Variants in SMAP1 observed in about 807,000 individuals in gnomAD.
SMAP1 encodes small ArfGAP 1, also known as stromal membrane-associated protein 1.
Under a neutral mutation model 58.5 loss-of-function variants are expected in SMAP1, and 24 were observed. The ratio of observed to expected loss-of-function variants is 0.41; its 90% CI spans 0.30 to 0.58. The LOEUF (loss-of-function observed/expected upper bound fraction) is 0.58, where lower values mean the gene tolerates loss of function less well. Among genes scored for constraint, SMAP1 ranks in the 20% least tolerant of loss-of-function variants. The pLI is 0.29. For missense variants in SMAP1, 563 were observed against 566.3 expected (o/e 0.99, Z 0.06); for synonymous variants, 216 against 196.6 (o/e 1.10, Z -0.82).
At chr6:70,798,579 C>G in intron 5 of SMAP1, 78 bp from the exon 6 acceptor site, 1 of 1,086,586 alleles carries the variant, frequency 9.2e-7, no homozygotes, top group South Asian at 1.7e-5. Context: ...CAGATGATTA[C>G]TCAAACTAAT....
intron 6 of SMAP1, among the ~76,000 whole-genome samples, chr6:70,805,172 C>A (rs1769064579): frequency 6.6e-6 from 1 of 152,124 alleles, no homozygotes; most frequent in Admixed American, 6.6e-5. Flanking sequence ...CATATAGTTT[C>A]ATATTTCTTG....
At chr6:70,783,479 A>C (rs1263733542) in intron 4 of SMAP1, among the ~76,000 whole-genome samples, 1 of 152,224 alleles carries the variant, frequency 6.6e-6, no homozygotes, top group Non-Finnish European at 1.5e-5. Flanking sequence ...TGAGAGAAGA[A>C]GGCTTCAGAC....
chr6:70,722,329 C>T (rs1768565623), intron 1 of SMAP1, among the ~76,000 whole-genome samples: 1 of 152,220 alleles, frequency 6.6e-6, no homozygotes, highest in East Asian at 1.9e-4. Flanking sequence ...TGCCATTTGA[C>T]CCTTTCCAGA....
At chr6:70,758,467 A>G (rs1281058675) in intron 3 of SMAP1, among the ~76,000 whole-genome samples, 2 of 151,692 alleles carry the variant, frequency 1.3e-5, no homozygotes, top group Non-Finnish European at 2.9e-5. Flanking sequence ...ACATGTATAC[A>G]TATGTAACTA....
At chr6:70,743,327 T>G (rs976163374) in intron 2 of SMAP1, among the ~76,000 whole-genome samples, 3 of 152,216 alleles carry the variant, frequency 2.0e-5, no homozygotes, top group Non-Finnish European at 4.4e-5. Flanking sequence ...AACTATCATC[T>G]ATTGGTTTTT....
intron 4 of SMAP1, among the ~76,000 whole-genome samples, chr6:70,785,680 G>T (rs1479867572): frequency 6.6e-6 from 1 of 152,096 alleles, no homozygotes; most frequent in African/African-American, 2.4e-5. Context: ...ACACCTCTAC[G>T]CAAATAAACT....
In SMAP1 at chr6:70,861,575, T is replaced by C; in HGVS notation, c.*1241T>C. 8.2e-7 allele frequency: 1 copy of C among 1,214,364 alleles called. No individual in the cohort carries two copies. The highest frequency in any genetic ancestry group is 1.2e-6 in the Non-Finnish European group (1 of 841,754). The allele number at this position is 1,214,364 out of a possible 1,614,324, so 75.2% of individuals were successfully genotyped here. The stretch of plus-strand genomic sequence containing the variant: ...TGCTGTACTGAAGTAAAACAAACAA[T>C]ACCTGAATGCTCTGTAGCCTAAACT... On this transcript the variant is annotated 3_prime_UTR_variant, in exon 11 of 11. Coordinates refer to ENST00000370455, the MANE Select transcript of SMAP1 (RefSeq NM_001044305.3).
intron 6 of SMAP1, among the ~76,000 whole-genome samples, chr6:70,803,127 G>T (rs1406044461): frequency 2.0e-5 from 3 of 152,140 alleles, no homozygotes; most frequent in Non-Finnish European, 4.4e-5. Context: ...CTGTGAGTCT[G>T]TCTGGTCCTG....
In SMAP1 at chr6:70,860,974, T is replaced by C. The variant is rs1771696774; in HGVS notation, c.*640T>C. On this transcript the variant is annotated 3_prime_UTR_variant, in exon 11 of 11. Transcript: ENST00000370455. ...CCTCTCTTGTAATTTGGATCTCTTC[T>C]TAATGTACATAGTGCTAACATGAAG... The C allele has an allele frequency of 3.0e-6, 1 of 337,520 alleles. No individual in the cohort carries two copies. Among genetic ancestry groups the C allele is most frequent in the Non-Finnish European group, 5.3e-6 (1 of 187,142 alleles). The allele number at this position is 337,520 out of a possible 1,614,324, so 20.9% of individuals were successfully genotyped here.
intron 3 of SMAP1, among the ~76,000 whole-genome samples, chr6:70,757,921 G>T (rs1422445851): frequency 6.6e-6 from 1 of 151,956 alleles, no homozygotes; most frequent in East Asian, 1.9e-4. Flanking sequence ...CACTGTTGGT[G>T]GGAATGTAAA....
intron 5 of SMAP1, among the ~76,000 whole-genome samples, chr6:70,793,544 A>G (rs1768458663): frequency 6.6e-6 from 1 of 150,768 alleles, no homozygotes; most frequent in African/African-American, 2.4e-5. Flanking sequence ...TAGAAGTTGG[A>G]CGTGTTAAGT....
intron 3 of SMAP1, among the ~76,000 whole-genome samples, chr6:70,758,020 G>T (rs1245471728): frequency 6.6e-6 from 1 of 151,978 alleles, no homozygotes; most frequent in Non-Finnish European, 1.5e-5. Context: ...CCATTACTGG[G>T]TATATACCCA....
intron 1 of SMAP1, among the ~76,000 whole-genome samples, chr6:70,718,494 A>T (rs906364725): frequency 1.3e-5 from 2 of 152,154 alleles, no homozygotes; most frequent in Non-Finnish European, 2.9e-5. Flanking sequence ...TCTTGGACAT[A>T]TTTAATTGGC....
At chr6:70,707,710 A>G (rs575281612) in intron 1 of SMAP1, among the ~76,000 whole-genome samples, 1 of 152,202 alleles carries the variant, frequency 6.6e-6, no homozygotes, top group African/African-American at 2.4e-5. Flanking sequence ...TGTTCAAGTG[A>G]TTCTCCTGCC....
At chr6:70,783,518 A>G (rs1767858278) in intron 4 of SMAP1, among the ~76,000 whole-genome samples, 1 of 152,196 alleles carries the variant, frequency 6.6e-6, no homozygotes, top group African/African-American at 2.4e-5. Flanking sequence ...TACGGGAGGA[A>G]ACTCAAACAA....
At chr6:70,858,287 CTT>C (rs68188898) in intron 10 of SMAP1, 58 bp downstream of exon 10, 34,903 of 284,528 alleles carry the variant, frequency 0.12, 101 homozygotes, top group South Asian at 0.19. Flanking sequence ...TTTTCTAAAT[CTT>C]TTTTTTTTTT....
chr6:70,725,104 T>A, intron 1 of SMAP1, among the ~76,000 whole-genome samples: 1 of 79,782 alleles, frequency 1.3e-5, no homozygotes, highest in Non-Finnish European at 2.5e-5. Context: ...TTTTTTTTTT[T>A]TTTTTTTTTT....
intron 1 of SMAP1, among the ~76,000 whole-genome samples, chr6:70,707,356 C>G (rs1767880823): frequency 6.6e-6 from 1 of 151,752 alleles, no homozygotes; most frequent in African/African-American, 2.4e-5. Context: ...TTATATTATC[C>G]TCATTAACTT....
intron 1 of SMAP1, among the ~76,000 whole-genome samples, chr6:70,684,461 A>G (rs1332926505): frequency 6.6e-6 from 1 of 152,232 alleles, no homozygotes; most frequent in African/African-American, 2.4e-5. Flanking sequence ...GATAAACTTT[A>G]AGACCATCAG....
Sources: gnomAD v4.1 joint callset for allele counts (sites outside exome capture counted in the v4.1 genomes callset) on GRCh38, gnomAD v4.1.1 for gene constraint, MANE v1.5 for transcripts, NCBI Gene and HGNC (gene_info 2026-07-23, HGNC 2026-07-21) for gene names.